The following SYT14 variants were observed in gnomAD, a reference collection of about 807,000 sequenced individuals.
SYT14 encodes the protein synaptotagmin-14.
In SYT14, 32 loss-of-function variants were observed where a neutral mutation model predicts 74.2. The observed-to-expected ratio is 0.43, with a 90% confidence interval of 0.33 to 0.58. The LOEUF is 0.58. Ranked by LOEUF, SYT14 falls within the 20% of genes least tolerant of loss-of-function variation. The pLI is 0.05. For synonymous variants in SYT14, 298 were observed against 337.7 expected (o/e 0.88, Z 1.29); for missense variants, 791 against 981.8 (o/e 0.81, Z 2.60).
chr1:210,051,401 C>G (rs186057822), intron 5 of SYT14, among the ~76,000 whole-genome samples: 1 of 151,988 alleles, frequency 6.6e-6, no homozygotes, highest in African/African-American at 2.4e-5. Context: ...TTATTTCATT[C>G]GATGTTGAGT....
chr1:209,967,832 C>T (rs1391257200), intron 2 of SYT14, among the ~76,000 whole-genome samples: 1 of 151,766 alleles, frequency 6.6e-6, no homozygotes, highest in Non-Finnish European at 1.5e-5. Context: ...TTATTATTTC[C>T]TCTCTTCTGC....
intron 7 of SYT14, among the ~76,000 whole-genome samples, chr1:210,154,398 A>C (rs1042395302): frequency 6.6e-6 from 1 of 152,096 alleles, no homozygotes; most frequent in African/African-American, 2.4e-5. Flanking sequence ...TACCCTCTAC[A>C]TCCTGTCCAT....
intron 2 of SYT14, among the ~76,000 whole-genome samples, chr1:209,980,920 G>T (rs549955289): frequency 1.5e-4 from 23 of 152,026 alleles, no homozygotes; most frequent in Non-Finnish European, 2.2e-4. Flanking sequence ...GGATTGTCTT[G>T]GCTATTTGGG....
chr1:210,109,822 T>C (rs988818712), intron 7 of SYT14, among the ~76,000 whole-genome samples: 3 of 152,164 alleles, frequency 2.0e-5, no homozygotes, highest in African/African-American at 7.2e-5. Context: ...TACACATGTA[T>C]GTTTATTGCA....
intron 5 of SYT14, among the ~76,000 whole-genome samples, chr1:210,044,097 T>G (rs2080844003): frequency 6.6e-6 from 1 of 152,188 alleles, no homozygotes; most frequent in African/African-American, 2.4e-5. Context: ...CATGGCCTTA[T>G]CTCCACTGCT....
intron 5 of SYT14, among the ~76,000 whole-genome samples, chr1:210,083,422 A>C (rs2081656010): frequency 6.6e-6 from 1 of 152,188 alleles, no homozygotes; most frequent in Non-Finnish European, 1.5e-5. Context: ...AAGATTATAT[A>C]TTTATTTTAT....
intron 5 of SYT14, among the ~76,000 whole-genome samples, chr1:210,027,633 T>C (rs1273629264): frequency 1.3e-5 from 2 of 152,096 alleles, no homozygotes; most frequent in African/African-American, 2.4e-5. Context: ...GGGTCAACCA[T>C]ACATGTTTAT....
intron 1 of SYT14, among the ~76,000 whole-genome samples, chr1:209,940,715 A>C (rs1434725950): frequency 1.3e-5 from 2 of 152,130 alleles, no homozygotes; most frequent in Non-Finnish European, 1.5e-5. Context: ...TATTCTCTCT[A>C]TATATGATAT....
At chr1:210,095,994 AAAC>A (rs1409846093) in intron 6 of SYT14, among the ~76,000 whole-genome samples, 1 of 152,230 alleles carries the variant, frequency 6.6e-6, no homozygotes, top group African/African-American at 2.4e-5. Context: ...TGGGATTAAT[AAAC>A]AACAACAATA....
rs777242396 is a variant in SYT14 at position 210,024,159 on chromosome 1, G to T, written c.1312+2905G>T. Among the ~76,000 whole-genome samples, 87 of 152,286 alleles carry T rather than the reference G, an allele frequency of 5.7e-4. 2 individuals are homozygous for T. Among genetic ancestry groups the T allele is most frequent in the Non-Finnish European group, 1.3e-4 (9 of 68,022 alleles). On this transcript the variant is annotated intron_variant, in intron 5 of 9. Coordinates refer to ENST00000637265, the Ensembl canonical transcript of SYT14. ...AAGGCCTGGAGTGCCCCCTGACTAG[G>T]AAGATAGGGTTTAATTTGTTTGCCA... is the stretch of plus-strand genomic sequence containing the variant.
chr1:209,959,165 C>T (rs2079037979), intron 2 of SYT14, among the ~76,000 whole-genome samples: 1 of 151,992 alleles, frequency 6.6e-6, no homozygotes, highest in South Asian at 2.1e-4. Flanking sequence ...TTTTTTGAGA[C>T]AGAGTCTCAC....
At chr1:210,148,375 G>A (rs890010067) in intron 7 of SYT14, among the ~76,000 whole-genome samples, 1 of 152,086 alleles carries the variant, frequency 6.6e-6, no homozygotes, top group Non-Finnish European at 1.5e-5. Flanking sequence ...CGGGCGTGGT[G>A]GCGGGCGCCT....
chr1:210,122,349 C>T (rs1248840020), intron 7 of SYT14, among the ~76,000 whole-genome samples: 1 of 152,158 alleles, frequency 6.6e-6, no homozygotes, highest in African/African-American at 2.4e-5. Flanking sequence ...TATTGTGGGT[C>T]AATTATGGCT....
intron 5 of SYT14, among the ~76,000 whole-genome samples, chr1:210,087,279 A>G (rs1037981353): frequency 3.3e-5 from 5 of 152,074 alleles, no homozygotes; most frequent in African/African-American, 1.2e-4. Context: ...CCGATAGGCC[A>G]CCTGTCTGTG....
At chr1:209,995,811 G>C (rs1314715612) in intron 2 of SYT14, among the ~76,000 whole-genome samples, 1 of 152,086 alleles carries the variant, frequency 6.6e-6, no homozygotes, top group Non-Finnish European at 1.5e-5. Context: ...AGTAAAAATA[G>C]AAATCAGTAT....
At chr1:210,043,434 GA>G (rs11389788) in intron 5 of SYT14, among the ~76,000 whole-genome samples, 1 of 149,608 alleles carries the variant, frequency 6.7e-6, no homozygotes, top group South Asian at 2.1e-4. Flanking sequence ...TTGTTTTACT[GA>G]AAAAAAAAAG....
At chr1:210,009,927 T>C (rs564724649) in intron 2 of SYT14, among the ~76,000 whole-genome samples, 251 of 152,208 alleles carry the variant, frequency 1.6e-3, no homozygotes, top group Middle Eastern at 3.4e-3. Context: ...TCAACTCTTC[T>C]TCTTTCTTAT....
At chr1:210,057,236 C>T (rs554456291) in intron 5 of SYT14, among the ~76,000 whole-genome samples, 23 of 152,172 alleles carry the variant, frequency 1.5e-4, no homozygotes, top group Non-Finnish European at 2.2e-4. Context: ...CCTTGTTCTC[C>T]CATTGTTTAA....
chr1:209,988,307 C>T (rs192972818), intron 2 of SYT14, among the ~76,000 whole-genome samples: 62 of 152,196 alleles, frequency 4.1e-4, no homozygotes, highest in Non-Finnish European at 7.2e-4. Flanking sequence ...AGAAAAGTTC[C>T]GTATCTCCTC....
Sources: gnomAD v4.1 joint callset for allele counts (sites outside exome capture counted in the v4.1 genomes callset) on GRCh38, gnomAD v4.1.1 for gene constraint, MANE v1.5 for transcripts, NCBI Gene and HGNC (gene_info 2026-07-23, HGNC 2026-07-21) for gene names.